Variants in DMPK observed in about 807,000 individuals in gnomAD.
DMPK encodes DM1 protein kinase.
DMPK carries 32 observed loss-of-function variants against 70.3 expected under a neutral mutation model. The ratio of observed to expected loss-of-function variants is 0.46; its 90% CI spans 0.34 to 0.61. The LOEUF (loss-of-function observed/expected upper bound fraction) is 0.61, where lower values mean the gene tolerates loss of function less well. Among genes scored for constraint, DMPK ranks in the 20% least tolerant of loss-of-function variants. The pLI, the probability that DMPK is intolerant of heterozygous loss-of-function variation, is 0.01. For synonymous variants in DMPK, 469 were observed against 390.9 expected, an observed-to-expected ratio of 1.20 and a Z score of -2.36; for missense variants, 899 against 886.0, an observed-to-expected ratio of 1.01 and a Z score of -0.19.
Position 45,782,477 on chromosome 19 carries a change from C to A in DMPK, c.-125G>T. ...GCATGTCTGCCTGTCCCTGGCTGTC[C>A]CCTGGGCCTCTCTGGCCACTTCTCT... On this transcript the variant is annotated 5_prime_UTR_variant, in exon 1 of 15. Coordinates refer to ENST00000291270, the MANE Select transcript of DMPK (RefSeq NM_004409.5). 1 of 1,127,956 alleles carries A rather than the reference C, an allele frequency of 8.9e-7. No individual in the cohort carries two copies. Among genetic ancestry groups the A allele is most frequent in the Non-Finnish European group, 1.2e-6 (1 of 826,746 alleles). 69.9% of individuals were successfully genotyped at this position (1,127,956 alleles called of 1,614,324 possible).
rs534946812 is a variant in DMPK, at chr19:45,776,134, A to ATTTT, written c.1147-1104_1147-1101dup. Among the ~76,000 whole-genome samples, 59 of 48,346 alleles carry ATTTT rather than the reference A, an allele frequency of 1.2e-3. 5 individuals are homozygous for ATTTT. The highest frequency in any genetic ancestry group is 4.4e-3 in the African/African-American group (53 of 11,950). The allele number at this position is 48,346 out of a possible 152,430, so 31.7% of individuals were successfully genotyped here. ...ACAGCGCCCGGCCGCGGTCCAGCCT[A>ATTTT]TTTTTTTTTTTTTTTTTTTTTTTTT... On this transcript the variant is annotated intron_variant, in intron 8 of 14. Transcript: ENST00000291270.
At chr19:45,778,379 G>A (rs946458574) in intron 5 of DMPK, 114 bp downstream of exon 5, 22 of 1,431,140 alleles carry the variant, frequency 1.5e-5, no homozygotes, top group Middle Eastern at 2.4e-4. Context: ...GGCACCCCCC[G>A]GTGGGCCCCA....
Position 45,778,134 on chromosome 19 carries a change from T to C in DMPK, c.668A>G (p.Asp223Gly). 1 of 1,611,262 alleles carries C rather than the reference T, an allele frequency of 6.2e-7. No homozygotes were observed. ...GCCAGGGCACTGGCTCACCGTTCCA[T>C]CTGCCCGCAGCTTGAGGCAAGAGCC... ...DFGSCLKLRA[D>G]GTVRSLVAVG... is the part of the protein sequence containing the mutation. The change falls in exon 6 of 15, where the codon GAT becomes GGT. Residue 223 changes from aspartate to glycine, a missense_variant. Physicochemically the swap from Asp to Gly is moderately conservative, Grantham distance 94. Transcript: ENST00000291270.
At chr19:45,780,949 C>G (rs558149662) in intron 1 of DMPK, among the ~76,000 whole-genome samples, 1 of 152,096 alleles carries the variant, frequency 6.6e-6, no homozygotes, top group Non-Finnish European at 1.5e-5. Context: ...CTACCCCACC[C>G]GGTCTCAGTT....
chr19:45,771,039 C>A lies in DMPK; in HGVS notation c.1669G>T (p.Ala557Ser), dbSNP rs1260997657. ...PSHLDGPPAV[A>S]VGQCPLVGPG... is the part of the protein sequence containing the mutation. Reference sequence around the variant, plus strand: ...CCCACCAGCGGGCACTGGCCCACAGCCACGGCCGGGGGGCCATCTAGCTGG... The same window carrying A: ...CCCACCAGCGGGCACTGGCCCACAGACACGGCCGGGGGGCCATCTAGCTGG... The change falls in exon 14 of 15, where the codon GCT becomes TCT. Residue 557 changes from alanine to serine, a missense_variant. Physicochemically the swap from Ala to Ser is moderately conservative, Grantham distance 99 (BLOSUM62 1). Transcript: ENST00000291270. 1 of 1,507,562 alleles carries A rather than the reference C, an allele frequency of 6.6e-7. No homozygotes were observed. Among genetic ancestry groups the A allele is most frequent in the South Asian group, 1.3e-5 (1 of 78,462 alleles). The allele number at this position is 1,507,562 out of a possible 1,614,324, so 93.4% of individuals were successfully genotyped here.
At chr19:45,781,639 C>T (rs923994163) in intron 1 of DMPK, among the ~76,000 whole-genome samples, 2 of 152,226 alleles carry the variant, frequency 1.3e-5, no homozygotes, top group African/African-American at 4.8e-5. Flanking sequence ...TGGCGCCTGT[C>T]TGCAAAGCTG....
Position 45,769,871 on chromosome 19 carries a change from G to A in DMPK, c.*617C>T, listed in dbSNP as rs1005595569. 1.2e-4 allele frequency: 30 copies of A among 252,826 alleles called. 1 individual carries two copies. Among genetic ancestry groups the A allele is most frequent in the East Asian group, 5.5e-4 (5 of 9,152 alleles). The allele number at this position is 252,826 out of a possible 1,614,324, so 15.7% of individuals were successfully genotyped here. A position where few individuals can be genotyped will look rare whatever the true frequency, so the allele number is the denominator to read the frequency against. On this transcript the variant is annotated 3_prime_UTR_variant, in exon 15 of 15. Coordinates refer to ENST00000291270, the MANE Select transcript of DMPK (RefSeq NM_004409.5). ...CCTGTAGCCTGTCAGCGAGTCGGAG[G>A]ACGAGGTCAATAAATATCCAAACCG...
intron 13 of DMPK, 75 bp downstream of exon 13, chr19:45,771,275 G>A: frequency 6.5e-7 from 1 of 1,528,306 alleles, no homozygotes; most frequent in Non-Finnish European, 8.8e-7. Context: ...TATCTGGACG[G>A]GGAGACCAGG....
At chr19:45,778,871 G>A in intron 4 of DMPK, 1 of 570,604 alleles carries the variant, frequency 1.8e-6, no homozygotes, top group Non-Finnish European at 3.1e-6. Context: ...GATGTCACTG[G>A]GCAGATTCAC....
rs1182304650 is a variant in DMPK at position 45,778,641 on chromosome 19, A to G, written c.433T>C (p.Tyr145His). Residue 145 changes from tyrosine (Y) to histidine (H), a missense_variant and splice_region_variant, in exon 5 of 15, where the codon TAC becomes CAC. Around this residue, in one of 3 missense-constraint regions of DMPK, gnomAD observed 195 missense variants for 259.7 expected, o/e 0.75. Coordinates refer to ENST00000291270, the MANE Select transcript of DMPK (RefSeq NM_004409.5). ...HFAFQDENYLYLVMEYYVGGD... is the reference protein window; with the variant it reads ...HFAFQDENYLHLVMEYYVGGD... The stretch of plus-strand genomic sequence containing the variant: ...CCCACGTAATACTCCATGACCAGGT[A>G]CTGAGAAGGGGTTCGTCATGGGTGG... 1.2e-6 allele frequency: 2 copies of G among 1,613,412 alleles called. No individual in the cohort carries two copies. The highest frequency in any genetic ancestry group is 1.7e-6 in the Non-Finnish European group (2 of 1,179,778).
rs1404081427 is a variant in DMPK at position 45,772,623 on chromosome 19, T to TC, written c.1344+17dup. The TC allele has an allele frequency of 6.6e-7, 1 of 1,515,144 alleles. No homozygotes were observed. The highest frequency in any genetic ancestry group is 1.4e-5 in the African/African-American group (1 of 69,282). 93.9% of individuals were successfully genotyped at this position (1,515,144 alleles called of 1,614,324 possible). A position where few individuals can be genotyped will look rare whatever the true frequency, so the allele number is the denominator to read the frequency against. Reference sequence around the variant, plus strand: ...TCCCAATTGTCCCTGACGGACCCCCTCCCCTCCACCAACTTACTGTTTCAT... The same window carrying TC: ...TCCCAATTGTCCCTGACGGACCCCCTCCCCCTCCACCAACTTACTGTTTCAT... On this transcript the variant is annotated intron_variant, in intron 10 of 14. Transcript: ENST00000291270.
At chr19:45,779,622 C>A (rs1221284298) in intron 2 of DMPK, 100 bp from the exon 3 acceptor site, 1 of 1,563,016 alleles carries the variant, frequency 6.4e-7, no homozygotes, top group Non-Finnish European at 8.7e-7. Context: ...GTGGCCCCGC[C>A]CCACCTGCCA....
intron 1 of DMPK, chr19:45,780,184 G>A: frequency 1.4e-6 from 2 of 1,446,910 alleles, no homozygotes; most frequent in East Asian, 2.4e-5. Context: ...AAGAACAAGG[G>A]GAGAAGGAAA....
At chr19:45,775,062 C>T (rs764039581) in intron 8 of DMPK, 28 bp from the exon 9 acceptor site, 1 of 1,595,266 alleles carries the variant, frequency 6.3e-7, no homozygotes, top group South Asian at 1.1e-5. Flanking sequence ...ATGTGAGCAG[C>T]AGTCGTCAGG....
intron 2 of DMPK, 96 bp downstream of exon 2, chr19:45,779,682 T>C: frequency 2.6e-6 from 4 of 1,535,546 alleles, no homozygotes; most frequent in Middle Eastern, 2.5e-4. Context: ...CCCTAGGTTC[T>C]AAGGCTCGGT....
At position 45,777,167 on chromosome 19, in the gene DMPK, C is replaced by T; in HGVS notation, c.1146+160G>A. 9.8e-7 allele frequency: 1 copy of T among 1,019,828 alleles called. No homozygotes were observed. Among genetic ancestry groups the T allele is most frequent in the Non-Finnish European group, 1.4e-6 (1 of 725,348 alleles). The allele number at this position is 1,019,828 out of a possible 1,614,324, so 63.2% of individuals were successfully genotyped here. ...TGTGTTCCCCCACTGGACTGTAAGT[C>T]TAGGTCACTGCTGGGTCCTCAGTAG... On this transcript the variant is annotated intron_variant, in intron 8 of 14. Coordinates refer to ENST00000291270, the MANE Select transcript of DMPK (RefSeq NM_004409.5). This position sits in a 1 kb window ranked among gnomAD's most constrained non-coding sequence, Gnocchi z 6.7.
rs11878503 is a variant in DMPK at position 45,774,923 on chromosome 19, T to G, written c.1232+26A>C. On this transcript the variant is annotated intron_variant, in intron 9 of 14. Coordinates refer to ENST00000291270, the MANE Select transcript of DMPK (RefSeq NM_004409.5). ...GAAGCTCAAGCAGCCTCGTGGCCCC[T>G]GGAGGCCGTCCAGGGCAGTGCTTAC... The G allele has an allele frequency of 6.0e-4, 968 of 1,601,796 alleles. 3 individuals carry two copies. In the African/African-American group the frequency reaches 9.9e-3, roughly 16 times the overall value.
chr19:45,774,515 G>A (rs1969668320), intron 9 of DMPK, among the ~76,000 whole-genome samples: 1 of 151,320 alleles, frequency 6.6e-6, no homozygotes, highest in Admixed American at 6.6e-5. Flanking sequence ...ACCTGCCTTG[G>A]CCTCCCAAAG....
intron 13 of DMPK, 86 bp downstream of exon 13, chr19:45,771,264 A>ATATC (rs767706751): frequency 4.6e-6 from 7 of 1,508,366 alleles, no homozygotes; most frequent in Non-Finnish European, 6.2e-6. Flanking sequence ...GGTGAGCCCT[A>ATATC]TATCTGGACG....
Sources: allele counts gnomAD v4.1 joint callset (sites outside exome capture counted in the v4.1 genomes callset), GRCh38; gene constraint gnomAD v4.1.1; regional missense constraint gnomAD v4.1.1; non-coding constraint Gnocchi (gnomAD v3.1); transcripts MANE v1.5; gene names NCBI Gene and HGNC (gene_info 2026-07-23, HGNC 2026-07-21).